Variants in PPP2R1B observed in about 807,000 individuals in gnomAD.
The protein encoded by PPP2R1B is protein phosphatase 2 scaffold subunit Abeta.
In PPP2R1B, 58 loss-of-function variants were observed where a neutral mutation model predicts 72.7. That is an observed-to-expected ratio of 0.80 (90% confidence interval 0.65 to 0.99). PPP2R1B has a LOEUF of 0.99. Ranked by LOEUF, PPP2R1B falls within the 50% of genes least tolerant of loss-of-function variation. The pLI is 0.00. For synonymous variants in PPP2R1B, 256 were observed against 264.6 expected, an observed-to-expected ratio of 0.97 and a Z score of 0.32; for missense variants, 695 against 733.6, an observed-to-expected ratio of 0.95 and a Z score of 0.61.
the PPP2R1B span, chr11:111,721,864 C>T: frequency 6.2e-7 from 1 of 1,612,692 alleles, no homozygotes; most frequent in Non-Finnish European, 8.5e-7. Context: ...AGCGTCTCCA[C>T]TCTCCCTGCC....
chr11:111,742,960 ACCTCTGCAC>A (rs1176539600), intron 12 of PPP2R1B, among the ~76,000 whole-genome samples: 1 of 151,774 alleles, frequency 6.6e-6, no homozygotes, highest in Non-Finnish European at 1.5e-5. Flanking sequence ...GCTCACTGCA[ACCTCTGCAC>A]CCTCTGCCCC....
downstream of PPP2R1B, chr11:111,737,816 T>C: frequency 7.7e-7 from 1 of 1,297,058 alleles, no homozygotes; most frequent in Non-Finnish European, 1.0e-6. Context: ...CACCTGGCTG[T>C]TCCCCACATC....
the PPP2R1B span, among the ~76,000 whole-genome samples, chr11:111,706,329 G>A: frequency 2.6e-5 from 4 of 152,136 alleles, no homozygotes; most frequent in Non-Finnish European, 1.5e-5. Context: ...GAGAAGATAG[G>A]GGTGGCATTA....
At chr11:111,706,795 A>G in the PPP2R1B span, among the ~76,000 whole-genome samples, 673 of 152,120 alleles carry the variant, frequency 4.4e-3, 3 homozygotes, top group African/African-American at 0.015. Context: ...CCCCGTCTCT[A>G]CTAAAAATAC....
downstream of PPP2R1B, among the ~76,000 whole-genome samples, chr11:111,733,160 C>T (rs955083506): frequency 1.7e-4 from 26 of 152,346 alleles, no homozygotes; most frequent in African/African-American, 6.3e-4. Context: ...GGCGCCTCGG[C>T]CACTGTTCTT....
At position 111,738,773 on chromosome 11, in the gene PPP2R1B, A is replaced by T; in HGVS notation, c.*2823T>A. Reference sequence around the variant, plus strand: ...TTGGTAGCACAGAGAGAGAAACAAGACCTGGTCTCTTAAACCTGTGAGGGG... The same window carrying T: ...TTGGTAGCACAGAGAGAGAAACAAGTCCTGGTCTCTTAAACCTGTGAGGGG... On this transcript the variant is annotated 3_prime_UTR_variant, in exon 15 of 15. Coordinates refer to ENST00000527614, the MANE Select transcript of PPP2R1B (RefSeq NM_002716.5). The T allele has an allele frequency of 3.0e-6, 3 of 985,418 alleles. No individual in the cohort carries two copies. Among genetic ancestry groups the T allele is most frequent in the South Asian group, 4.7e-5 (1 of 21,282 alleles). 61.0% of individuals were successfully genotyped at this position (985,418 alleles called of 1,614,324 possible). A position where few individuals can be genotyped will look rare whatever the true frequency, so the allele number is the denominator to read the frequency against.
In PPP2R1B at chr11:111,754,493, G is replaced by T. The variant is rs782311528; in HGVS notation, c.1029+6C>A. On this transcript the variant is annotated splice_donor_region_variant and intron_variant, in intron 8 of 14. Transcript: ENST00000527614. ...AGAGAGTGAAACAAAATAAAGTCAG[G>T]TTTACCTTTATATAAGGCAGAATTT... 1.3e-6 allele frequency: 2 copies of T among 1,594,338 alleles called. No individual in the cohort carries two copies. Among genetic ancestry groups the T allele is most frequent in the South Asian group, 2.3e-5 (2 of 86,116 alleles).
In PPP2R1B at chr11:111,742,067, T is replaced by C. The variant is rs926537797; in HGVS notation, c.1775A>G (p.Gln592Arg). Residue 592 changes from glutamine to arginine, a missense_variant, in exon 14 of 15, where the codon CAG (glutamine) becomes CGG (arginine). Transcript: ENST00000527614. ...GAAATACATACCACTTATAGCTTCC[T>C]GTGCAAAGTATTTGACATCCATGTC... is the stretch of plus-strand genomic sequence containing the variant. ...DEDMDVKYFA[Q>R]EAISVLALA The C allele has an allele frequency of 6.2e-7, 1 of 1,613,064 alleles. No individual in the cohort carries two copies. Among genetic ancestry groups the C allele is most frequent in the Non-Finnish European group, 8.5e-7 (1 of 1,179,136 alleles).
At chr11:111,735,991 C>T (rs1471673683), downstream of PPP2R1B, among the ~76,000 whole-genome samples, 1 of 152,148 alleles carries the variant, frequency 6.6e-6, no homozygotes, top group Non-Finnish European at 1.5e-5. Context: ...CTCCCTGAGT[C>T]ATGGGGCGGG....
the PPP2R1B span, among the ~76,000 whole-genome samples, chr11:111,712,963 C>T: frequency 1.3e-5 from 2 of 152,046 alleles, no homozygotes. Flanking sequence ...TCAGGAGTTC[C>T]AGACCACCTT....
At chr11:111,736,555 TCTCA>T (rs1186608473), downstream of PPP2R1B, among the ~76,000 whole-genome samples, 3 of 152,164 alleles carry the variant, frequency 2.0e-5, no homozygotes, top group Non-Finnish European at 4.4e-5. Context: ...CAGCCCTTCC[TCTCA>T]CTGTGCGGCC....
intron 3 of PPP2R1B, among the ~76,000 whole-genome samples, chr11:111,761,626 T>C (rs868938368): frequency 9.8e-5 from 15 of 152,294 alleles, no homozygotes; most frequent in Non-Finnish European, 2.1e-4. Flanking sequence ...CCATTAGCCA[T>C]AGGGCAGAAA....
chr11:111,693,734 T>C, the PPP2R1B span, among the ~76,000 whole-genome samples: 1 of 152,236 alleles, frequency 6.6e-6, no homozygotes. Context: ...TTAGTAGCTA[T>C]AACCTTGGGC....
rs1945521846 is a variant in PPP2R1B at position 111,766,041 on chromosome 11, G to T, written c.114+207C>A. ...TCCGGGCGGACGCCTCAGGGGGTCCGAAGCAAGGTTACTAGAGAGGTACCC... is the reference window on the plus strand; with the variant it reads ...TCCGGGCGGACGCCTCAGGGGGTCCTAAGCAAGGTTACTAGAGAGGTACCC... On this transcript the variant is annotated intron_variant, in intron 1 of 14. Coordinates refer to ENST00000527614, the MANE Select transcript of PPP2R1B (RefSeq NM_002716.5). The T allele has an allele frequency of 4.9e-6, 3 of 606,226 alleles. No individual in the cohort carries two copies. The Admixed American group carries it at 7.9e-5, about 16-fold the overall frequency. The allele number at this position is 606,226 out of a possible 1,614,324, so 37.6% of individuals were successfully genotyped here.
chr11:111,727,493 G>T, intron 15 of PPP2R1B: 1 of 178,942 alleles, frequency 5.6e-6, no homozygotes, highest in African/African-American at 2.3e-5. Context: ...CTGGAGTAAT[G>T]GGGTGCTCTG....
chr11:111,699,859 C>T, the PPP2R1B span, among the ~76,000 whole-genome samples: 2 of 152,190 alleles, frequency 1.3e-5, no homozygotes, highest in African/African-American at 2.4e-5. Flanking sequence ...CAAATCCAGT[C>T]AATCTGTCTG....
At chr11:111,751,508 T>C (rs532097392) in intron 10 of PPP2R1B, among the ~76,000 whole-genome samples, 1 of 152,338 alleles carries the variant, frequency 6.6e-6, no homozygotes, top group Admixed American at 6.5e-5. Context: ...ACTGATATGA[T>C]GCTCAAAGGA....
rs1285605064 is a variant in PPP2R1B at position 111,766,334 on chromosome 11, C to G, written c.28G>C (p.Gly10Arg). Reference protein sequence around the residue: MAGASELGTGPGAAGGDGDD... With the variant: MAGASELGTRPGAAGGDGDD... ...CCATCTCCACCCGCTGCTCCTGGGC[C>G]GGTCCCGAGCTCTGATGCGCCCGCC... Residue 10 changes from glycine (G) to arginine (R), a missense_variant, in exon 1 of 15, where the codon GGC (glycine) becomes CGC (arginine). Physicochemically the swap from Gly to Arg is moderately radical, Grantham distance 125. Transcript: ENST00000527614. 18 of 1,573,566 alleles carry G rather than the reference C, an allele frequency of 1.1e-5. No homozygotes were observed. In the East Asian group the frequency reaches 1.8e-4, roughly 16 times the overall value.
chr11:111,764,726 AGT>A, intron 3 of PPP2R1B, 77 bp downstream of exon 3: 4 of 1,388,626 alleles, frequency 2.9e-6, no homozygotes, highest in Non-Finnish European at 4.0e-6. Flanking sequence ...AAAATGCTGC[AGT>A]GTGTCTATCA....
Sources: gnomAD v4.1 joint callset for allele counts (sites outside exome capture counted in the v4.1 genomes callset) on GRCh38, gnomAD v4.1.1 for gene constraint, MANE v1.5 for transcripts, NCBI Gene and HGNC (gene_info 2026-07-23, HGNC 2026-07-21) for gene names.